The following SIRT7 variants were observed in gnomAD, a reference collection of about 807,000 sequenced individuals.
SIRT7 encodes NAD-dependent protein deacetylase sirtuin-7.
In SIRT7, 32 loss-of-function variants were observed where a neutral mutation model predicts 42.8. The ratio of observed to expected loss-of-function variants is 0.75; its 90% CI spans 0.56 to 1.00. The LOEUF is 1.00. Ranked by LOEUF, SIRT7 falls within the 50% of genes least tolerant of loss-of-function variation. The pLI is 0.00. For missense variants in SIRT7, 553 were observed against 572.2 expected, an observed-to-expected ratio of 0.97 and a Z score of 0.34; for synonymous variants, 297 against 245.2, an observed-to-expected ratio of 1.21 and a Z score of -1.97.
chr17:81,914,749 G>T (rs1212100846), intron 5 of SIRT7, 47 bp from the exon 6 acceptor site: 2 of 1,506,676 alleles, frequency 1.3e-6, no homozygotes. Flanking sequence ...TGCCAGTGGT[G>T]GTGGGGAGGT....
Position 81,912,517 on chromosome 17 carries a change from GGGCC to G in SIRT7, c.1098_1101del (p.Glu366AspfsTer16). The G allele has an allele frequency of 6.2e-7, 1 of 1,613,856 alleles. No individual in the cohort carries two copies. Among genetic ancestry groups the G allele is most frequent in the Non-Finnish European group, 8.5e-7 (1 of 1,179,984 alleles). ...AGCGGTGCACCCCGGTCCCCAGGCG[GGGCC>G]TCCTCTCTGCTTCTGCACAGCGACT... On this transcript the variant is annotated frameshift_variant, in exon 10 of 10. Coordinates refer to ENST00000328666, the MANE Select transcript of SIRT7 (RefSeq NM_016538.3). LOFTEE classifies it high-confidence loss of function.
At chr17:81,912,751 T>C (rs2040707074) in intron 9 of SIRT7, 137 bp from the exon 10 acceptor site, 2 of 915,312 alleles carry the variant, frequency 2.2e-6, no homozygotes, top group Non-Finnish European at 3.4e-6. Context: ...GGGGCTCTGG[T>C]TGGCGGCAGC....
In SIRT7 at chr17:81,912,456, C is replaced by T; in HGVS notation, c.1163G>A (p.Arg388Lys). The change falls in exon 10 of 10, where the codon AGG becomes AAG. Residue 388 changes from arginine to lysine, a missense_variant. Coordinates refer to ENST00000328666, the MANE Select transcript of SIRT7 (RefSeq NM_016538.3). The part of the protein sequence containing the change: ...SAPILGGWFG[R>K]GCTKRTKRKK... ...CCTTTTTGTGCGTTTTGTGCAGCCC[C>T]TGCCAAACCAGCCCCCTAGGATGGG... The T allele has an allele frequency of 6.2e-7, 1 of 1,614,052 alleles. No homozygotes were observed. Among genetic ancestry groups the T allele is most frequent in the Non-Finnish European group, 8.5e-7 (1 of 1,180,016 alleles).
Position 81,914,282 on chromosome 17 carries a change from A to T in SIRT7, c.816+12T>A, listed in dbSNP as rs764751918. Reference sequence around the variant, plus strand: ...AGGGGCTCGGTTCACTCATTGTGTCATCGGCACGTACCTTCAGGCTGGACC... The same window carrying T: ...AGGGGCTCGGTTCACTCATTGTGTCTTCGGCACGTACCTTCAGGCTGGACC... On this transcript the variant is annotated intron_variant, in intron 7 of 9. Coordinates refer to ENST00000328666, the MANE Select transcript of SIRT7 (RefSeq NM_016538.3). 3 of 1,612,946 alleles carry T rather than the reference A, an allele frequency of 1.9e-6. No homozygotes were observed. Among genetic ancestry groups the T allele is most frequent in the Non-Finnish European group, 2.5e-6 (3 of 1,179,826 alleles).
chr17:81,917,691 C>T lies in SIRT7; in HGVS notation c.260G>A (p.Gly87Glu), dbSNP rs780368143. 6.2e-7 allele frequency: 1 copy of T among 1,604,092 alleles called. No homozygotes were observed. The highest frequency in any genetic ancestry group is 1.1e-5 in the South Asian group (1 of 89,458). ...GGCGCTGGCCAGCTCCCGGACCTTC[C>T]CCCGCAGCTCCTCCGGGTCGTCGCA... ...EVCDDPEELR[G>E]KVRELASAVR... The change falls in exon 3 of 10, where the codon GGG becomes GAG. Residue 87 changes from glycine to glutamate, a missense_variant. By Grantham distance (98) the Gly-to-Glu change is moderately conservative. Coordinates refer to ENST00000328666, the MANE Select transcript of SIRT7 (RefSeq NM_016538.3).
rs1353329608 is a variant in SIRT7 at position 81,917,872 on chromosome 17, G to A, written c.189C>T (p.Gly63=). ...ESADLVTELQ[G]RSRRREGLKR... ...TCAGGCCCTCGCGCCGCCGGCTCCG[G>A]CCCTGCAGCTCCGTTACCAGGTCCG... Residue 63 remains glycine (G), a synonymous_variant, in exon 2 of 10, where the codon GGC becomes GGT. Transcript: ENST00000328666. 33 of 1,439,804 alleles carry A rather than the reference G, an allele frequency of 2.3e-5. No homozygotes were observed. The highest frequency in any genetic ancestry group is 3.0e-5 in the Non-Finnish European group (33 of 1,100,266). 89.2% of individuals were successfully genotyped at this position (1,439,804 alleles called of 1,614,324 possible). A position where few individuals can be genotyped will look rare whatever the true frequency, so the allele number is the denominator to read the frequency against.
At chr17:81,914,003 G>A (rs182828368) in intron 8 of SIRT7, 84 bp downstream of exon 8, 10 of 1,575,800 alleles carry the variant, frequency 6.3e-6, no homozygotes, top group African/African-American at 1.3e-5. Context: ...CTATCAGACC[G>A]CCCTGGTGCA....
chr17:81,914,092 G>C lies in SIRT7; in HGVS notation c.892C>G (p.Leu298Val), dbSNP rs200469084. The change falls in exon 8 of 10, where the codon CTG (leucine) becomes GTG (valine). Residue 298 changes from leucine (L) to valine (V), a missense_variant. Transcript: ENST00000328666. ...SRRPKLYIVN[L>V]QWTPKDDWAA... ...GCTCTCAGCACCCGAGTTACCTGCA[G>C]GTTCACGATGTAAAGCTTCGGCCGC... The C allele has an allele frequency of 1.2e-6, 2 of 1,613,516 alleles. No individual in the cohort carries two copies. The highest frequency in any genetic ancestry group is 1.7e-6 in the Non-Finnish European group (2 of 1,180,010).
At chr17:81,917,492 G>C (rs2040826833) in intron 3 of SIRT7, 123 bp downstream of exon 3, 1 of 821,538 alleles carries the variant, frequency 1.2e-6, no homozygotes, top group Non-Finnish European at 1.8e-6. Flanking sequence ...GTTTACCTTA[G>C]GTAAGTTTTG....
chr17:81,914,392 CA>C lies in SIRT7; in HGVS notation c.717del (p.Phe239LeufsTer11). 6.2e-7 allele frequency: 1 copy of C among 1,613,222 alleles called. No individual in the cohort carries two copies. The highest frequency in any genetic ancestry group is 8.5e-7 in the Non-Finnish European group (1 of 1,180,008). ...GGCTGCCCCAACGTCCCCCTCTCCCCAAAGTGCACAATGGTGTCCCGCAGCT... is the reference window on the plus strand; with the variant it reads ...GGCTGCCCCAACGTCCCCCTCTCCCCAAGTGCACAATGGTGTCCCGCAGCT... ...GTQLRDTIVH[F>X]GERGTLGQPL... On this transcript the variant is annotated frameshift_variant, in exon 7 of 10. Coordinates refer to ENST00000328666, the MANE Select transcript of SIRT7 (RefSeq NM_016538.3). LOFTEE classifies it high-confidence loss of function.
At position 81,918,137 on chromosome 17, in the gene SIRT7, C is replaced by G. The variant is rs1250706769; in HGVS notation, c.-6G>C. On this transcript the variant is annotated 5_prime_UTR_variant, in exon 1 of 10. Transcript: ENST00000328666. Reference sequence around the variant, plus strand: ...CTCAGACCCCCGGCTGCCATCGCTCCCCTGGAGACCTGCTCTTCCGCTTCC... The same window carrying G: ...CTCAGACCCCCGGCTGCCATCGCTCGCCTGGAGACCTGCTCTTCCGCTTCC... 6.5e-7 allele frequency: 1 copy of G among 1,544,882 alleles called. No homozygotes were observed.
At position 81,912,398 on chromosome 17, in the gene SIRT7, T is replaced by C. The variant is rs1476941528; in HGVS notation, c.*18A>G. ...TGGCCATCTGCAAAGTGCCAACTGT[T>C]CTTCATCGAGCACGTGATTACGTCA... On this transcript the variant is annotated 3_prime_UTR_variant, in exon 10 of 10. Coordinates refer to ENST00000328666, the MANE Select transcript of SIRT7 (RefSeq NM_016538.3). 6.2e-7 allele frequency: 1 copy of C among 1,614,014 alleles called. No homozygotes were observed. Among genetic ancestry groups the C allele is most frequent in the Admixed American group, 1.7e-5 (1 of 60,032 alleles).
At position 81,915,829 on chromosome 17, in the gene SIRT7, CCTGA is replaced by C; in HGVS notation, c.337-152_337-149del. 3 of 858,254 alleles carry C rather than the reference CCTGA, an allele frequency of 3.5e-6. No individual in the cohort carries two copies. The South Asian group carries it at 4.4e-5, about 13-fold the overall frequency. The allele number at this position is 858,254 out of a possible 1,614,324, so 53.2% of individuals were successfully genotyped here. A position where few individuals can be genotyped will look rare whatever the true frequency, so the allele number is the denominator to read the frequency against. ...TCTATTCATTCCACAGGCTGACCTG[CCTGA>C]GCCCATATGGAGTGTACCCCAATTC... On this transcript the variant is annotated intron_variant, in intron 3 of 9. Coordinates refer to ENST00000328666, the MANE Select transcript of SIRT7 (RefSeq NM_016538.3).
intron 3 of SIRT7, chr17:81,915,891 CGCCTG>C: frequency 1.7e-6 from 1 of 586,404 alleles, no homozygotes. Context: ...TTCCGTTTCC[CGCCTG>C]GCCTGGCTCA....
At position 81,918,172 on chromosome 17, in the gene SIRT7, G is replaced by A. The variant is rs752298710; in HGVS notation, c.-41C>T. 55 of 1,501,292 alleles carry A rather than the reference G, an allele frequency of 3.7e-5. No individual in the cohort carries two copies. The South Asian group carries it at 4.6e-4, about 13-fold the overall frequency. 93.0% of individuals were successfully genotyped at this position (1,501,292 alleles called of 1,614,324 possible). Reference sequence around the variant, plus strand: ...CTGCTCTTCCGCTTCCGCCTCACACGGCAGGCCGCGCTCAGGGCGCATGCG... The same window carrying A: ...CTGCTCTTCCGCTTCCGCCTCACACAGCAGGCCGCGCTCAGGGCGCATGCG... On this transcript the variant is annotated 5_prime_UTR_variant, in exon 1 of 10. Transcript: ENST00000328666.
Position 81,913,650 on chromosome 17 carries a change from G to A in SIRT7, c.1004+124C>T. 1 of 835,980 alleles carries A rather than the reference G, an allele frequency of 1.2e-6. No individual in the cohort carries two copies. Among genetic ancestry groups the A allele is most frequent in the Non-Finnish European group, 1.9e-6 (1 of 524,432 alleles). 51.8% of individuals were successfully genotyped at this position (835,980 alleles called of 1,614,324 possible). ...GCCCTCTGGAGACCACCACGCTTCA[G>A]TCATGCCTCAGGCACCACTGCAAAC... On this transcript the variant is annotated intron_variant, in intron 9 of 9. Transcript: ENST00000328666. This position sits in a 1 kb window ranked among gnomAD's most constrained non-coding sequence, Gnocchi z 5.0.
intron 9 of SIRT7, 89 bp from the exon 10 acceptor site, chr17:81,912,703 T>C (rs2040705002): frequency 1.2e-5 from 16 of 1,373,540 alleles, no homozygotes; most frequent in Non-Finnish European, 1.4e-5. Context: ...CTGCGGTCCC[T>C]GCCTTCCCAT....
chr17:81,917,997 GCGGGCCGGGCATGGC>G, intron 1 of SIRT7, 27 bp downstream of exon 1: 1 of 1,340,514 alleles, frequency 7.5e-7, no homozygotes, highest in Non-Finnish European at 9.5e-7. Flanking sequence ...GAGCGGCGGC[GCGGGCCGGGCATGGC>G]CGGGCCGGGG....
chr17:81,913,339 A>AAGACTTGGTG lies in SIRT7; in HGVS notation c.1004+434_1004+435insCACCAAGTCT. ...AGAGTGTAAACTTTTTACTCAATACATACACCAAGTCTAAATTATCACAAA... is the reference window on the plus strand; with the variant it reads ...AGAGTGTAAACTTTTTACTCAATACAAGACTTGGTGTACACCAAGTCTAAATTATCACAAA... On this transcript the variant is annotated intron_variant, in intron 9 of 9. Transcript: ENST00000328666. This position sits in a 1 kb window ranked among gnomAD's most constrained non-coding sequence, Gnocchi z 5.0. 1 of 452,716 alleles carries AAGACTTGGTG rather than the reference A, an allele frequency of 2.2e-6. No individual in the cohort carries two copies. 28.0% of individuals were successfully genotyped at this position (452,716 alleles called of 1,614,324 possible).
Sources: gnomAD v4.1 joint callset for allele counts on GRCh38, gnomAD v4.1.1 for gene constraint, Gnocchi (gnomAD v3.1) non-coding constraint, MANE v1.5 for transcripts, NCBI Gene and HGNC (gene_info 2026-07-23, HGNC 2026-07-21) for gene names.